The following MAMDC2 variants were observed in gnomAD, a reference collection of about 807,000 sequenced individuals.
The protein encoded by MAMDC2 is MAM domain-containing protein 2.
MAMDC2 carries 57 observed loss-of-function variants against 89.8 expected under a neutral mutation model. That is an observed-to-expected ratio of 0.63 (90% CI 0.51 to 0.79). The LOEUF (loss-of-function observed/expected upper bound fraction) is 0.79, where lower values mean the gene tolerates loss of function less well. Ranked by LOEUF, MAMDC2 falls within the 30% of genes least tolerant of loss-of-function variation. The probability of loss-of-function intolerance (pLI) is 0.00; values close to 1 mark genes in which losing one functional copy is unlikely to be tolerated. For synonymous variants in MAMDC2, 313 were observed against 293.4 expected, an observed-to-expected ratio of 1.07 and a Z score of -0.68; for missense variants, 800 against 820.6, an observed-to-expected ratio of 0.97 and a Z score of 0.31.
intron 10 of MAMDC2, chr9:70,169,706 G>T (rs2032274774): frequency 6.6e-6 from 1 of 152,128 alleles, no homozygotes; most frequent in African/African-American, 2.4e-5. Flanking sequence ...GTACAACCAA[G>T]TTTAGTCAAA....
intron 6 of MAMDC2, among the ~76,000 whole-genome samples, chr9:70,129,065 G>A (rs1413967866): frequency 6.6e-6 from 1 of 152,190 alleles, no homozygotes; most frequent in Non-Finnish European, 1.5e-5. Flanking sequence ...AGTCCTACAA[G>A]ACAGGTGTTT....
chr9:70,216,981 A>G (rs1400305728), intron 11 of MAMDC2, among the ~76,000 whole-genome samples: 1 of 152,238 alleles, frequency 6.6e-6, no homozygotes, highest in Non-Finnish European at 1.5e-5. Flanking sequence ...GAGCTCGGAC[A>G]GAATGCATAC....
intron 11 of MAMDC2, among the ~76,000 whole-genome samples, chr9:70,194,996 A>G (rs2032949586): frequency 6.6e-6 from 1 of 152,122 alleles, no homozygotes; most frequent in Non-Finnish European, 1.5e-5. Flanking sequence ...CAAGAAAAAT[A>G]TATAACCAGT....
At chr9:70,205,796 A>G (rs966533082) in intron 11 of MAMDC2, among the ~76,000 whole-genome samples, 6 of 152,224 alleles carry the variant, frequency 3.9e-5, no homozygotes, top group African/African-American at 1.4e-4. Flanking sequence ...TGAAGCTTCA[A>G]TACTGGGGCT....
chr9:70,064,246 T>A (rs1827214448), intron 2 of MAMDC2, among the ~76,000 whole-genome samples: 1 of 152,102 alleles, frequency 6.6e-6, no homozygotes, highest in Non-Finnish European at 1.5e-5. Flanking sequence ...TGGTGATTTA[T>A]GAGATCTTTG....
chr9:70,186,325 T>C (rs1448360988), intron 11 of MAMDC2, among the ~76,000 whole-genome samples: 1 of 139,972 alleles, frequency 7.1e-6, no homozygotes, highest in Admixed American at 7.5e-5. Flanking sequence ...TGTTTCATTT[T>C]ATTTTTGGTG....
intron 6 of MAMDC2, among the ~76,000 whole-genome samples, chr9:70,127,658 C>A (rs1260496923): frequency 6.6e-6 from 1 of 151,128 alleles, no homozygotes; most frequent in Non-Finnish European, 1.5e-5. Context: ...TCTCCCCACA[C>A]CCCCTTCCTA....
In MAMDC2 at chr9:70,143,693, C is replaced by T; in HGVS notation, c.1278C>T (p.Asp426=). 4 of 1,614,202 alleles carry T rather than the reference C, an allele frequency of 2.5e-6. No homozygotes were observed. Among genetic ancestry groups the T allele is most frequent in the Non-Finnish European group, 3.4e-6 (4 of 1,180,026 alleles). The change falls in exon 9 of 14, where the codon GAC becomes GAT. Residue 426 remains aspartate (D), a synonymous_variant. Coordinates refer to ENST00000377182, the MANE Select transcript of MAMDC2 (RefSeq NM_153267.5). ...YAIYGFLKMS[D]TLAVYIFEEN... ...TCTATGGATTTTTAAAAATGAGTGACACCCTAGCAGTTTACATCTTTGAAG... is the reference window on the plus strand; with the variant it reads ...TCTATGGATTTTTAAAAATGAGTGATACCCTAGCAGTTTACATCTTTGAAG...
At chr9:70,064,065 T>C (rs1040039571) in intron 2 of MAMDC2, among the ~76,000 whole-genome samples, 7 of 152,144 alleles carry the variant, frequency 4.6e-5, no homozygotes, top group Non-Finnish European at 8.8e-5. Context: ...ATAAATCAAA[T>C]GTGATTCTCA....
intron 7 of MAMDC2, among the ~76,000 whole-genome samples, chr9:70,133,356 A>G (rs2030878716): frequency 6.6e-6 from 1 of 152,200 alleles, no homozygotes; most frequent in Non-Finnish European, 1.5e-5. Context: ...CTTTCCTACT[A>G]CACAGGTGGT....
chr9:70,218,270 C>A, intron 11 of MAMDC2, 67 bp from the exon 12 acceptor site: 1 of 1,519,548 alleles, frequency 6.6e-7, no homozygotes, highest in South Asian at 1.3e-5. Flanking sequence ...TCTGAAAGAA[C>A]ATTATGAAAG....
chr9:70,131,362 G>A (rs1205278796), intron 6 of MAMDC2, among the ~76,000 whole-genome samples, 157 bp from the exon 7 acceptor site: 7 of 152,198 alleles, frequency 4.6e-5, no homozygotes, highest in Non-Finnish European at 8.8e-5. Context: ...AGGTTGAGGA[G>A]GGTGCTGCCC....
At chr9:70,128,860 T>A (rs1168034781) in intron 6 of MAMDC2, among the ~76,000 whole-genome samples, 1 of 152,152 alleles carries the variant, frequency 6.6e-6, no homozygotes, top group African/African-American at 2.4e-5. Context: ...TTTCGCCATG[T>A]TGCCCAGGCT....
chr9:70,118,164 C>A (rs1043579718), intron 5 of MAMDC2, among the ~76,000 whole-genome samples: 3 of 149,536 alleles, frequency 2.0e-5, no homozygotes, highest in Non-Finnish European at 4.4e-5. Context: ...CCCTGAGTTC[C>A]AGGCTACATT....
At chr9:70,151,821 G>C (rs2031590302) in intron 9 of MAMDC2, among the ~76,000 whole-genome samples, 1 of 152,164 alleles carries the variant, frequency 6.6e-6, no homozygotes, top group Non-Finnish European at 1.5e-5. Flanking sequence ...AGGTCCCCCA[G>C]ATGATCTAGT....
chr9:70,151,057 T>C (rs1459499271), intron 9 of MAMDC2, among the ~76,000 whole-genome samples: 1 of 152,216 alleles, frequency 6.6e-6, no homozygotes, highest in Non-Finnish European at 1.5e-5. Flanking sequence ...ACAGTCCACA[T>C]AGTTACGTGG....
chr9:70,225,695 C>T, intron 12 of MAMDC2, 55 bp from the exon 13 acceptor site: 1 of 1,142,850 alleles, frequency 8.8e-7, no homozygotes. Context: ...CTGCCCTGAC[C>T]AGCACTGTAA....
intron 9 of MAMDC2, among the ~76,000 whole-genome samples, chr9:70,152,783 C>G (rs2031624890): frequency 6.6e-6 from 1 of 152,136 alleles, no homozygotes; most frequent in South Asian, 2.1e-4. Flanking sequence ...CCTTCCTTTT[C>G]TTTCATGTGT....
chr9:70,125,843 G>A (rs1425739644), intron 5 of MAMDC2, among the ~76,000 whole-genome samples: 2 of 152,146 alleles, frequency 1.3e-5, no homozygotes, highest in African/African-American at 2.4e-5. Context: ...TTCAGCTTGT[G>A]AAAACTTAAG....
Sources: allele counts gnomAD v4.1 joint callset (sites outside exome capture counted in the v4.1 genomes callset), GRCh38; gene constraint gnomAD v4.1.1; transcripts MANE v1.5; gene names NCBI Gene and HGNC (gene_info 2026-07-23, HGNC 2026-07-21).